Variants in VPS13B observed in about 807,000 individuals in gnomAD.
VPS13B encodes the protein intermembrane lipid transfer protein VPS13B.
VPS13B carries 285 observed loss-of-function variants against 426.4 expected under a neutral mutation model. The observed-to-expected ratio is 0.67, with a 90% CI of 0.61 to 0.74. The LOEUF is 0.74. VPS13B is among the 30% of genes least tolerant of loss of function. VPS13B has a pLI of 0.00. For synonymous variants in VPS13B, 1,676 were observed against 1,676.4 expected, an observed-to-expected ratio of 1.00 and a Z score of 0.01; for missense variants, 4,537 against 4,782.6, an observed-to-expected ratio of 0.95 and a Z score of 1.51.
At chr8:99,429,443 T>C (rs1816963968) in intron 21 of VPS13B, 2 of 152,186 alleles carry the variant, frequency 1.3e-5, no homozygotes, top group African/African-American at 4.8e-5. Context: ...ATTCTTATCT[T>C]GTCTATTTTT....
intron 15 of VPS13B, among the ~76,000 whole-genome samples, chr8:99,165,567 A>G (rs981496329): frequency 6.6e-6 from 1 of 152,236 alleles, no homozygotes; most frequent in Non-Finnish European, 1.5e-5. Context: ...CAGACAGAAC[A>G]AGGAGTTAGA....
intron 21 of VPS13B, among the ~76,000 whole-genome samples, chr8:99,395,374 G>A (rs543450089): frequency 7.2e-5 from 11 of 152,288 alleles, no homozygotes; most frequent in Non-Finnish European, 8.8e-5. Context: ...GAATAACCTC[G>A]GAGCTACGAT....
rs187861967 is a variant in VPS13B, at chr8:99,152,319, G to A, written c.2014-4230G>A. Reference sequence around the variant, plus strand: ...TGTCCAAGTATTTTGACATTTTTTAGTTATGTTACTGATTTTTAGTTTAAT... The same window carrying A: ...TGTCCAAGTATTTTGACATTTTTTAATTATGTTACTGATTTTTAGTTTAAT... On this transcript the variant is annotated intron_variant, in intron 14 of 61. Transcript: ENST00000357162. 2.9e-4 allele frequency among the ~76,000 whole-genome samples: 44 copies of A among 152,214 alleles called. No individual in the cohort carries two copies. In the East Asian group the frequency reaches 7.5e-3, roughly 26 times the overall value.
chr8:99,266,954 G>C (rs1399260740), intron 17 of VPS13B, among the ~76,000 whole-genome samples: 1 of 152,134 alleles, frequency 6.6e-6, no homozygotes, highest in Non-Finnish European at 1.5e-5. Flanking sequence ...ATACCAGTAG[G>C]GTAGGGTGCT....
At chr8:99,724,898 C>T (rs1258451015) in intron 39 of VPS13B, among the ~76,000 whole-genome samples, 1 of 152,166 alleles carries the variant, frequency 6.6e-6, no homozygotes, top group African/African-American at 2.4e-5. Context: ...CATAAACTGC[C>T]CCCATCCCCC....
intron 3 of VPS13B, among the ~76,000 whole-genome samples, chr8:99,093,371 T>G (rs1277652913): frequency 6.6e-6 from 1 of 151,706 alleles, no homozygotes; most frequent in Non-Finnish European, 1.5e-5. Context: ...TTTTTTAAAT[T>G]TTTTTTATTT....
chr8:99,603,368 T>C (rs143155256), intron 33 of VPS13B, among the ~76,000 whole-genome samples: 1 of 152,192 alleles, frequency 6.6e-6, no homozygotes, highest in Non-Finnish European at 1.5e-5. Flanking sequence ...CACATACATA[T>C]CTATGATAAA....
At chr8:99,718,671 CTTTT>C (rs1307941415) in intron 37 of VPS13B, among the ~76,000 whole-genome samples, 1 of 141,786 alleles carries the variant, frequency 7.1e-6, no homozygotes. Flanking sequence ...TTCTTTTTTT[CTTTT>C]TTTTTTTTTG....
At position 99,487,356 on chromosome 8, in the gene VPS13B, A is replaced by G. The variant is rs138943471; in HGVS notation, c.3870+5554A>G. 3.4e-3 allele frequency among the ~76,000 whole-genome samples: 521 copies of G among 152,270 alleles called. 2 individuals are homozygous for G. Among genetic ancestry groups the G allele is most frequent in the African/African-American group, 0.012 (499 of 41,540 alleles). On this transcript the variant is annotated intron_variant, in intron 25 of 61. Coordinates refer to ENST00000357162, the MANE Select transcript of VPS13B (RefSeq NM_152564.5). Reference sequence around the variant, plus strand: ...GTTAGTATTAAAATTTCTTACTAAGAACTAGTCTTTTTAATCTCACTCTCC... The same window carrying G: ...GTTAGTATTAAAATTTCTTACTAAGGACTAGTCTTTTTAATCTCACTCTCC...
intron 19 of VPS13B, among the ~76,000 whole-genome samples, chr8:99,349,425 A>G (rs1390407317): frequency 6.6e-6 from 1 of 151,836 alleles, no homozygotes; most frequent in African/African-American, 2.4e-5. Flanking sequence ...ACAACTTAAG[A>G]TCCCCCACAA....
At chr8:99,105,909 C>A (rs887327905) in intron 5 of VPS13B, among the ~76,000 whole-genome samples, 14 of 152,010 alleles carry the variant, frequency 9.2e-5, no homozygotes, top group Non-Finnish European at 1.6e-4. Flanking sequence ...TCTTCAGAAG[C>A]AAATATACCA....
intron 19 of VPS13B, among the ~76,000 whole-genome samples, chr8:99,350,744 A>G (rs1048193122): frequency 1.3e-5 from 2 of 152,046 alleles, no homozygotes; most frequent in South Asian, 2.1e-4. Context: ...TGATGGCAGG[A>G]GGTAAATGAA....
intron 21 of VPS13B, among the ~76,000 whole-genome samples, chr8:99,397,851 AC>A (rs1397080892): frequency 3.9e-5 from 6 of 152,182 alleles, no homozygotes. Flanking sequence ...TATACTCTTG[AC>A]TAGAAGCTAG....
At chr8:99,697,646 G>T in intron 35 of VPS13B, 1 of 651,578 alleles carries the variant, frequency 1.5e-6, no homozygotes, top group South Asian at 1.6e-5. Context: ...CCAAGAGACT[G>T]ACAGAGGGTG....
intron 33 of VPS13B, among the ~76,000 whole-genome samples, chr8:99,579,760 C>G (rs1051143590): frequency 6.6e-6 from 1 of 150,582 alleles, no homozygotes; most frequent in Non-Finnish European, 1.5e-5. Flanking sequence ...GACTAGAGTG[C>G]CATCTCAGCT....
chr8:99,481,633 A>T lies in VPS13B; in HGVS notation c.3701A>T (p.Asn1234Ile), dbSNP rs542791560. 1.4e-5 allele frequency: 23 copies of T among 1,613,912 alleles called. No individual in the cohort carries two copies. In the South Asian group the frequency reaches 2.5e-4, roughly 18 times the overall value. ...TTCTATGAACTAACTGATATCATGA[A>T]TAAGGTCTGGAACAAGATTCAGAAG... Reference protein sequence around the residue: ...QLFYELTDIMNKVWNKIQKRG... With the variant: ...QLFYELTDIMIKVWNKIQKRG... The change falls in exon 25 of 62, where the codon AAT becomes ATT. Residue 1234 changes from asparagine to isoleucine, a missense_variant. Coordinates refer to ENST00000357162, the MANE Select transcript of VPS13B (RefSeq NM_152564.5).
chr8:99,791,119 A>T (rs1812517412), intron 43 of VPS13B, among the ~76,000 whole-genome samples: 1 of 152,192 alleles, frequency 6.6e-6, no homozygotes. Context: ...AGGGAGGTAT[A>T]TATAAACAGC....
intron 36 of VPS13B, among the ~76,000 whole-genome samples, chr8:99,713,932 G>T (rs1310866227): frequency 1.3e-5 from 2 of 152,138 alleles, no homozygotes; most frequent in Non-Finnish European, 2.9e-5. Flanking sequence ...CCAAAGTCAG[G>T]AATTTGAGAC....
At chr8:99,745,014 A>G (rs1331646179) in intron 39 of VPS13B, among the ~76,000 whole-genome samples, 2 of 152,096 alleles carry the variant, frequency 1.3e-5, no homozygotes, top group South Asian at 2.1e-4. Context: ...TGTATTTTGA[A>G]TACATTAAAA....
Sources: gnomAD v4.1 joint callset for allele counts (sites outside exome capture counted in the v4.1 genomes callset) on GRCh38, gnomAD v4.1.1 for gene constraint, MANE v1.5 for transcripts, NCBI Gene and HGNC (gene_info 2026-07-23, HGNC 2026-07-21) for gene names.